Variants in TENM3 observed in about 807,000 individuals in gnomAD.
TENM3 encodes teneurin transmembrane protein 3.
A neutral mutation model predicts 255.1 loss-of-function variants in TENM3; 63 were observed. That is an observed-to-expected ratio of 0.25 (90% confidence interval 0.20 to 0.30). The LOEUF is 0.30. Ranked by LOEUF, TENM3 falls within the 10% of genes least tolerant of loss-of-function variation. TENM3 has a pLI of 1.00. For synonymous variants in TENM3, 1,306 were observed against 1,322.3 expected (o/e 0.99, Z 0.27); for missense variants, 2,929 against 3,461.1 (o/e 0.85, Z 3.86).
At chr4:181,724,360 C>A in the TENM3 span, among the ~76,000 whole-genome samples, 2 of 148,000 alleles carry the variant, frequency 1.4e-5, no homozygotes, top group Non-Finnish European at 3.0e-5. Flanking sequence ...TTTTTTTTTT[C>A]TTTGCTGGTA....
At chr4:181,510,096 G>A in the TENM3 span, among the ~76,000 whole-genome samples, 1 of 152,298 alleles carries the variant, frequency 6.6e-6, no homozygotes, top group Middle Eastern at 3.4e-3. Flanking sequence ...AATGTCTTAC[G>A]TGGGTGTGTG....
the TENM3 span, among the ~76,000 whole-genome samples, chr4:181,524,681 G>A: frequency 6.6e-6 from 1 of 152,192 alleles, no homozygotes; most frequent in Non-Finnish European, 1.5e-5. Context: ...TGGTACATGA[G>A]AAGGGCATAA....
chr4:182,208,972 G>GTT (rs540578050), intron 1 of TENM3, among the ~76,000 whole-genome samples: 6 of 140,332 alleles, frequency 4.3e-5, no homozygotes, highest in African/African-American at 1.3e-4. Flanking sequence ...CTTTTTTTTT[G>GTT]TTTTTTTTTT....
At chr4:182,459,649 C>T (rs1415224529) in intron 3 of TENM3, among the ~76,000 whole-genome samples, 1 of 151,988 alleles carries the variant, frequency 6.6e-6, no homozygotes, top group Non-Finnish European at 1.5e-5. Flanking sequence ...CACTTCTGTG[C>T]TTCCAGTTAG....
At chr4:181,604,180 GC>G in the TENM3 span, among the ~76,000 whole-genome samples, 13 of 152,118 alleles carry the variant, frequency 8.5e-5, no homozygotes, top group Admixed American at 6.5e-4. Context: ...CAGGAGAATG[GC>G]GTGAACCCGG....
At chr4:181,894,780 G>A in the TENM3 span, among the ~76,000 whole-genome samples, 1 of 151,830 alleles carries the variant, frequency 6.6e-6, no homozygotes, top group Admixed American at 6.6e-5. Flanking sequence ...GCTTACGATA[G>A]AATGATATGT....
chr4:181,471,373 T>C, the TENM3 span, among the ~76,000 whole-genome samples: 3 of 152,202 alleles, frequency 2.0e-5, no homozygotes, highest in Non-Finnish European at 4.4e-5. Context: ...TTAAATTTTT[T>C]AATTATTTTA....
chr4:182,668,532 C>G (rs1025432649), intron 6 of TENM3, among the ~76,000 whole-genome samples: 1 of 152,070 alleles, frequency 6.6e-6, no homozygotes, highest in Non-Finnish European at 1.5e-5. Flanking sequence ...AAAATCATCA[C>G]AATTGCTATC....
chr4:181,708,670 A>G, the TENM3 span, among the ~76,000 whole-genome samples: 1 of 151,828 alleles, frequency 6.6e-6, no homozygotes, highest in African/African-American at 2.4e-5. Flanking sequence ...AATGTTCTCA[A>G]TCTTGGCTAT....
the TENM3 span, among the ~76,000 whole-genome samples, chr4:181,920,518 T>G: frequency 5.9e-3 from 895 of 152,364 alleles, 8 homozygotes; most frequent in Non-Finnish European, 7.8e-3. Flanking sequence ...GTTTTTTGGC[T>G]GCATAAATGT....
chr4:181,701,637 G>A, the TENM3 span, among the ~76,000 whole-genome samples: 45 of 152,292 alleles, frequency 3.0e-4, no homozygotes, highest in African/African-American at 1.0e-3. Flanking sequence ...TGAAGTGCAC[G>A]AAACAAAATG....
intron 3 of TENM3, among the ~76,000 whole-genome samples, chr4:182,547,209 A>G (rs1402721990): frequency 6.6e-6 from 1 of 152,124 alleles, no homozygotes; most frequent in Non-Finnish European, 1.5e-5. Context: ...ACTTAGTACA[A>G]AAAAACACTG....
the TENM3 span, among the ~76,000 whole-genome samples, chr4:181,473,521 G>A: frequency 3.3e-5 from 5 of 152,048 alleles, no homozygotes; most frequent in African/African-American, 1.2e-4. Flanking sequence ...GAGCCCAGGA[G>A]GTTGCGGCTG....
the TENM3 span, among the ~76,000 whole-genome samples, chr4:181,560,995 C>CA: frequency 1.6e-4 from 24 of 152,184 alleles, no homozygotes; most frequent in Admixed American, 6.5e-5. Flanking sequence ...CTCTGTCGCC[C>CA]AGGCTGGAGT....
At chr4:181,782,596 A>C in the TENM3 span, among the ~76,000 whole-genome samples, 3,035 of 152,052 alleles carry the variant, frequency 0.02, 115 homozygotes, top group African/African-American at 0.07. Flanking sequence ...ATTTTTTTGA[A>C]GGTTTTTTTG....
intron 2 of TENM3, among the ~76,000 whole-genome samples, chr4:182,330,562 T>C (rs1018268042): frequency 6.6e-6 from 1 of 152,202 alleles, no homozygotes; most frequent in Non-Finnish European, 1.5e-5. Flanking sequence ...CCAAGTGCCA[T>C]GTTTTGGGTA....
upstream of TENM3, among the ~76,000 whole-genome samples, chr4:182,240,788 G>C (rs1018723951): frequency 6.6e-6 from 1 of 152,124 alleles, no homozygotes; most frequent in African/African-American, 2.4e-5. Flanking sequence ...GACAGTAAGG[G>C]CCTGGGATGG....
Position 182,799,547 on chromosome 4 carries a change from G to C in TENM3, c.7345-49G>C. The C allele has an allele frequency of 6.6e-7, 1 of 1,519,796 alleles. No homozygotes were observed. The highest frequency in any genetic ancestry group is 8.8e-7 in the Non-Finnish European group (1 of 1,142,340). The allele number at this position is 1,519,796 out of a possible 1,614,324, so 94.1% of individuals were successfully genotyped here. A position where few individuals can be genotyped will look rare whatever the true frequency, so the allele number is the denominator to read the frequency against. On this transcript the variant is annotated intron_variant, in intron 27 of 27. Transcript: ENST00000511685. This position sits in a 1 kb window ranked among gnomAD's most constrained non-coding sequence, Gnocchi z 4.2. The stretch of plus-strand genomic sequence containing the variant: ...GTCCCGTGTGTGGGTCAGGAGTGGG[G>C]AGGCTCCCGGCCGCCTCTGACGCGC...
At chr4:181,871,584 C>A in the TENM3 span, among the ~76,000 whole-genome samples, 2 of 151,980 alleles carry the variant, frequency 1.3e-5, no homozygotes, top group African/African-American at 4.8e-5. Flanking sequence ...CTCAGACTAT[C>A]CATACAATGT....
Sources: allele counts gnomAD v4.1 joint callset (sites outside exome capture counted in the v4.1 genomes callset), GRCh38; gene constraint gnomAD v4.1.1; non-coding constraint Gnocchi (gnomAD v3.1); transcripts MANE v1.5; gene names NCBI Gene and HGNC (gene_info 2026-07-23, HGNC 2026-07-21).